The following KANSL3 variants were observed in gnomAD, a reference collection of about 807,000 sequenced individuals.
KANSL3 encodes the protein KAT8 regulatory NSL complex subunit 3, also known as NSL complex protein NSL3.
KANSL3 carries 16 observed loss-of-function variants against 89.2 expected under a neutral mutation model. That is an observed-to-expected ratio of 0.18 (90% CI 0.12 to 0.27). The LOEUF (loss-of-function observed/expected upper bound fraction) is 0.27, where lower values mean the gene tolerates loss of function less well. Ranked by LOEUF, KANSL3 falls within the 10% of genes least tolerant of loss-of-function variation. The pLI is 1.00. For missense variants in KANSL3, 879 were observed against 1,110.6 expected, an observed-to-expected ratio of 0.79 and a Z score of 2.96; for synonymous variants, 385 against 419.7, an observed-to-expected ratio of 0.92 and a Z score of 1.01.
the KANSL3 span, among the ~76,000 whole-genome samples, chr2:96,584,583 T>C: frequency 6.6e-6 from 1 of 152,240 alleles, no homozygotes; most frequent in African/African-American, 2.4e-5. Flanking sequence ...TCCCTACTTC[T>C]ATAAGATCAG....
intron 3 of KANSL3, among the ~76,000 whole-genome samples, chr2:96,621,125 C>T (rs904257216): frequency 1.3e-5 from 2 of 152,100 alleles, no homozygotes; most frequent in East Asian, 3.8e-4. Context: ...GCTGAGACAA[C>T]CACAACTGGA....
At chr2:96,597,773 T>C (rs1028802561) in intron 20 of KANSL3, among the ~76,000 whole-genome samples, 1 of 152,046 alleles carries the variant, frequency 6.6e-6, no homozygotes, top group Non-Finnish European at 1.5e-5. Context: ...CAGCTAATTT[T>C]TGTATTTTTA....
chr2:96,621,264 C>T (rs1438371465), intron 3 of KANSL3, among the ~76,000 whole-genome samples: 1 of 152,018 alleles, frequency 6.6e-6, no homozygotes, highest in East Asian at 1.9e-4. Flanking sequence ...GTCTGTAATC[C>T]CAGCACTTTG....
chr2:96,599,141 A>G (rs1030478197), intron 20 of KANSL3, among the ~76,000 whole-genome samples: 1 of 152,228 alleles, frequency 6.6e-6, no homozygotes, highest in African/African-American at 2.4e-5. Context: ...GAACAGGCCC[A>G]TATGTGTTCA....
In KANSL3 at chr2:96,593,400, T is replaced by C; in HGVS notation, c.*2211A>G. On this transcript the variant is annotated 3_prime_UTR_variant, in exon 21 of 21. Transcript: ENST00000431828. ...CTGATCCTTCCACATTTTCTATCAA[T>C]AATATTGCCTTCTGAGGTTATGGAT... The C allele has an allele frequency of 2.2e-6, 1 of 444,996 alleles. No homozygotes were observed. The highest frequency in any genetic ancestry group is 4.5e-6 in the Non-Finnish European group (1 of 220,086). The allele number at this position is 444,996 out of a possible 1,614,324, so 27.6% of individuals were successfully genotyped here.
chr2:96,637,619 C>G (rs1037993328), intron 1 of KANSL3, among the ~76,000 whole-genome samples: 5 of 152,218 alleles, frequency 3.3e-5, no homozygotes, highest in Admixed American at 1.3e-4. Flanking sequence ...GGAGCCGGGG[C>G]CGCAGCTAGA....
chr2:96,612,804 G>A lies in KANSL3; in HGVS notation c.912+14C>T. On this transcript the variant is annotated intron_variant, in intron 7 of 20. Transcript: ENST00000431828. ...TCCCTGCCAGGAAGGAGTTCCTCTT[G>A]CCCCCACACATACCTTGCCCAAGCA... 6.5e-7 allele frequency: 1 copy of A among 1,534,344 alleles called. No homozygotes were observed. Among genetic ancestry groups the A allele is most frequent in the Non-Finnish European group, 8.8e-7 (1 of 1,130,068 alleles).
intron 6 of KANSL3, among the ~76,000 whole-genome samples, 175 bp downstream of exon 6, chr2:96,613,313 G>C (rs1422963308): frequency 2.0e-5 from 3 of 152,180 alleles, no homozygotes; most frequent in Admixed American, 6.5e-5. Context: ...GGAGGTTGCA[G>C]TAAGCTGAGA....
chr2:96,620,309 C>T (rs1000376637), intron 3 of KANSL3, among the ~76,000 whole-genome samples: 3 of 152,096 alleles, frequency 2.0e-5, no homozygotes, highest in African/African-American at 7.2e-5. Flanking sequence ...TATTCTACCC[C>T]ACACTAATCT....
intron 3 of KANSL3, among the ~76,000 whole-genome samples, chr2:96,626,497 G>GT (rs1028378097): frequency 6.6e-6 from 1 of 152,058 alleles, no homozygotes; most frequent in African/African-American, 2.4e-5. Context: ...AAAATGGGGT[G>GT]TTTTTGGCTG....
At chr2:96,615,428 C>T (rs1439016688) in intron 5 of KANSL3, 2 of 874,598 alleles carry the variant, frequency 2.3e-6, no homozygotes, top group Non-Finnish European at 3.2e-6. Context: ...CTGTTTTTTA[C>T]TATCTACCAG....
chr2:96,627,217 C>T (rs949145482), intron 3 of KANSL3, among the ~76,000 whole-genome samples: 3 of 151,586 alleles, frequency 2.0e-5, no homozygotes, highest in Non-Finnish European at 2.9e-5. Context: ...GAGGAACATG[C>T]TTCTTTTTTT....
Position 96,637,149 on chromosome 2 carries a change from C to G in KANSL3, c.-14G>C, listed in dbSNP as rs538726367. On this transcript the variant is annotated 5_prime_UTR_variant, in exon 2 of 21. Coordinates refer to ENST00000431828, the MANE Select transcript of KANSL3 (RefSeq NM_001115016.3). ...CCGGTGGGCCATGTCAGTGGAGGGGCAGAAAGTCAGAGCATGGGTATCTGC... is the reference window on the plus strand; with the variant it reads ...CCGGTGGGCCATGTCAGTGGAGGGGGAGAAAGTCAGAGCATGGGTATCTGC... 19 of 1,529,276 alleles carry G rather than the reference C, an allele frequency of 1.2e-5. No homozygotes were observed. The East Asian group carries it at 1.5e-4, about 12-fold the overall frequency. The allele number at this position is 1,529,276 out of a possible 1,614,324, so 94.7% of individuals were successfully genotyped here.
At chr2:96,598,380 G>T (rs1242565549) in intron 20 of KANSL3, among the ~76,000 whole-genome samples, 1 of 152,160 alleles carries the variant, frequency 6.6e-6, no homozygotes, top group Non-Finnish European at 1.5e-5. Context: ...CAAAGCCTGA[G>T]GAGATTAATA....
At chr2:96,589,207 T>G (rs965469348), downstream of KANSL3, among the ~76,000 whole-genome samples, 3 of 152,214 alleles carry the variant, frequency 2.0e-5, no homozygotes, top group Non-Finnish European at 4.4e-5. Flanking sequence ...ACTTAAGGCC[T>G]AACATTACCT....
chr2:96,595,501 A>T lies in KANSL3; in HGVS notation c.*110T>A. On this transcript the variant is annotated 3_prime_UTR_variant, in exon 21 of 21. Transcript: ENST00000431828. Reference sequence around the variant, plus strand: ...GCGGAGAGGCAAAAATGACTGTCTTAAACAGGTCTTCCGACACGTGGACAG... The same window carrying T: ...GCGGAGAGGCAAAAATGACTGTCTTTAACAGGTCTTCCGACACGTGGACAG... 8.4e-7 allele frequency: 1 copy of T among 1,194,050 alleles called. No individual in the cohort carries two copies. Among genetic ancestry groups the T allele is most frequent in the Non-Finnish European group, 1.2e-6 (1 of 829,160 alleles). The allele number at this position is 1,194,050 out of a possible 1,614,324, so 74.0% of individuals were successfully genotyped here.
chr2:96,629,471 C>T (rs544232114), intron 3 of KANSL3, among the ~76,000 whole-genome samples: 14 of 152,210 alleles, frequency 9.2e-5, no homozygotes, highest in South Asian at 2.1e-4. Context: ...TACAGGCATG[C>T]GCCACCACAC....
Position 96,612,556 on chromosome 2 carries a change from G to C in KANSL3, c.920C>G (p.Pro307Arg), listed in dbSNP as rs2105488790. The change falls in exon 8 of 21, where the codon CCT (proline) becomes CGT (arginine). Residue 307 changes from proline (P) to arginine (R), a missense_variant. Physicochemically the swap from Pro to Arg is moderately radical, Grantham distance 103 (BLOSUM62 -2). Transcript: ENST00000431828. ...ATTGTTCAGCAGATGGGTGGCTACA[G>C]GGATGACCTGAAGGAAAGAAGTAGC... ...SQLSCLGKVI[P>R]VATHLLNNGS... The C allele has an allele frequency of 6.2e-7, 1 of 1,613,160 alleles. No homozygotes were observed. The highest frequency in any genetic ancestry group is 2.2e-5 in the East Asian group (1 of 44,874).
At chr2:96,607,941 C>T (rs1286359460) in intron 14 of KANSL3, among the ~76,000 whole-genome samples, 1 of 152,236 alleles carries the variant, frequency 6.6e-6, no homozygotes, top group Non-Finnish European at 1.5e-5. Context: ...ACTGTTTCTT[C>T]TTTCCCTACC....
Sources: gnomAD v4.1 joint callset for allele counts (sites outside exome capture counted in the v4.1 genomes callset) on GRCh38, gnomAD v4.1.1 for gene constraint, MANE v1.5 for transcripts, NCBI Gene and HGNC (gene_info 2026-07-23, HGNC 2026-07-21) for gene names.